Variants in GPC5 observed in about 807,000 individuals in gnomAD.
GPC5 encodes the protein glypican 5.
A neutral mutation model predicts 53.9 loss-of-function variants in GPC5; 47 were observed. The ratio of observed to expected loss-of-function variants is 0.87; its 90% CI spans 0.69 to 1.11. The LOEUF (loss-of-function observed/expected upper bound fraction) is 1.11. Ranked by LOEUF, GPC5 falls within the 50% of genes most tolerant of loss-of-function variation. The pLI, the probability that GPC5 is intolerant of heterozygous loss-of-function variation, is 0.00. For synonymous variants in GPC5, 286 were observed against 263.3 expected (o/e 1.09, Z -0.84); for missense variants, 748 against 713.1 (o/e 1.05, Z -0.56).
chr13:91,944,904 A>T (rs2039960889), intron 6 of GPC5, among the ~76,000 whole-genome samples: 1 of 152,134 alleles, frequency 6.6e-6, no homozygotes, highest in Non-Finnish European at 1.5e-5. Flanking sequence ...TTCTGGTGTT[A>T]ACTTTTGCTA....
chr13:92,552,972 G>A (rs1241377886), intron 7 of GPC5, among the ~76,000 whole-genome samples: 1 of 151,668 alleles, frequency 6.6e-6, no homozygotes, highest in African/African-American at 2.4e-5. Context: ...TATTCTGAAG[G>A]CTTTATTTAT....
At chr13:91,576,443 A>G (rs2032139970) in intron 2 of GPC5, among the ~76,000 whole-genome samples, 1 of 152,194 alleles carries the variant, frequency 6.6e-6, no homozygotes, top group African/African-American at 2.4e-5. Context: ...ACAGCAAAAA[A>G]TAAACACAAC....
intron 6 of GPC5, among the ~76,000 whole-genome samples, chr13:92,120,322 G>A (rs1441165750): frequency 2.0e-5 from 3 of 152,112 alleles, no homozygotes; most frequent in Admixed American, 2.0e-4. Context: ...GAGTTCAGTG[G>A]CATGATCAAT....
intron 2 of GPC5, among the ~76,000 whole-genome samples, chr13:91,511,500 A>G (rs908451225): frequency 1.4e-4 from 22 of 152,070 alleles, no homozygotes; most frequent in African/African-American, 4.8e-4. Flanking sequence ...TTACTGTTTA[A>G]CAATGTCTCA....
intron 3 of GPC5, among the ~76,000 whole-genome samples, chr13:91,719,963 A>G (rs894240508): frequency 3.3e-5 from 5 of 152,318 alleles, no homozygotes; most frequent in South Asian, 2.1e-4. Flanking sequence ...TTCAGGTTAT[A>G]TGTTTAAACT....
At chr13:92,290,804 C>T (rs966381987) in intron 7 of GPC5, among the ~76,000 whole-genome samples, 10 of 152,324 alleles carry the variant, frequency 6.6e-5, no homozygotes, top group East Asian at 3.9e-4. Context: ...AGGAGCCCTT[C>T]AGCCCGCTGC....
At chr13:91,819,989 G>A (rs772662943) in intron 5 of GPC5, among the ~76,000 whole-genome samples, 3 of 151,810 alleles carry the variant, frequency 2.0e-5, no homozygotes, top group South Asian at 2.1e-4. Context: ...TAATATTTAC[G>A]GACTATTTGC....
intron 7 of GPC5, among the ~76,000 whole-genome samples, chr13:92,205,583 T>C (rs2042327847): frequency 6.6e-6 from 1 of 152,228 alleles, no homozygotes; most frequent in African/African-American, 2.4e-5. Flanking sequence ...AATTCTTTAC[T>C]ACAGAGGGCA....
chr13:91,823,689 AACAT>A, intron 5 of GPC5, among the ~76,000 whole-genome samples: 1 of 152,202 alleles, frequency 6.6e-6, no homozygotes, highest in South Asian at 2.1e-4. Flanking sequence ...GACCCAAACT[AACAT>A]AAACTGCACA....
intron 7 of GPC5, among the ~76,000 whole-genome samples, chr13:92,804,731 C>T (rs1368398405): frequency 6.6e-6 from 1 of 152,024 alleles, no homozygotes; most frequent in Non-Finnish European, 1.5e-5. Context: ...AAATATTTCT[C>T]TACAGCATAT....
rs1876051314 is a variant in GPC5 at position 92,782,179 on chromosome 13, C to T, written c.1562-84103C>T. Among the ~76,000 whole-genome samples the T allele has an allele frequency of 2.0e-5, 3 of 151,934 alleles. No individual in the cohort carries two copies. In the South Asian group the frequency reaches 6.2e-4, roughly 31 times the overall value. Reference sequence around the variant, plus strand: ...AAGGAAGGAAAGAAATCATAAATCACCACCATTCATCTCCTTAGGATAATT... The same window carrying T: ...AAGGAAGGAAAGAAATCATAAATCATCACCATTCATCTCCTTAGGATAATT... On this transcript the variant is annotated intron_variant, in intron 7 of 7. Transcript: ENST00000377067.
chr13:92,509,744 C>A (rs948574180), intron 7 of GPC5: 1 of 152,166 alleles, frequency 6.6e-6, no homozygotes, highest in Non-Finnish European at 1.5e-5. Flanking sequence ...AAACAAACAA[C>A]GGCATACTCA....
chr13:92,339,723 A>T (rs2043350536), intron 7 of GPC5: 1 of 152,134 alleles, frequency 6.6e-6, no homozygotes, highest in Admixed American at 6.6e-5. Context: ...TTTTAGAATT[A>T]ATTTCAATAA....
intron 2 of GPC5, among the ~76,000 whole-genome samples, chr13:91,487,292 T>TAA (rs1199029961): frequency 6.6e-6 from 1 of 151,864 alleles, no homozygotes; most frequent in Non-Finnish European, 1.5e-5. Flanking sequence ...TTTTGAGGAG[T>TAA]AATAGATGGT....
intron 7 of GPC5, among the ~76,000 whole-genome samples, chr13:92,318,624 C>A (rs978526225): frequency 6.6e-6 from 1 of 152,074 alleles, no homozygotes; most frequent in African/African-American, 2.4e-5. Flanking sequence ...GTACATATAT[C>A]TTAAGAATAG....
At chr13:92,730,048 T>C (rs997922848) in intron 7 of GPC5, among the ~76,000 whole-genome samples, 18 of 151,448 alleles carry the variant, frequency 1.2e-4, no homozygotes, top group African/African-American at 3.4e-4. Context: ...TTTAGTGTTC[T>C]TTCTGACTCA....
At position 92,803,991 on chromosome 13, in the gene GPC5, T is replaced by C. The variant is rs77398677; in HGVS notation, c.1562-62291T>C. Among the ~76,000 whole-genome samples the C allele has an allele frequency of 2.3e-3, 353 of 152,126 alleles. 2 individuals are homozygous for C. The highest frequency in any genetic ancestry group is 7.9e-3 in the African/African-American group (327 of 41,542). On this transcript the variant is annotated intron_variant, in intron 7 of 7. Transcript: ENST00000377067. ...GAGTTTTAAAGAGAAAATTAAGTTA[T>C]GGTGTAGATGACTGGCGTAAAACTC...
chr13:92,217,172 G>T (rs553428048), intron 7 of GPC5, among the ~76,000 whole-genome samples: 1 of 152,038 alleles, frequency 6.6e-6, no homozygotes, highest in Non-Finnish European at 1.5e-5. Context: ...CATTCGCAAT[G>T]GTTGTAAATT....
At chr13:92,260,604 C>G (rs1019980595) in intron 7 of GPC5, among the ~76,000 whole-genome samples, 4 of 152,240 alleles carry the variant, frequency 2.6e-5, no homozygotes, top group Non-Finnish European at 5.9e-5. Flanking sequence ...CTGTCATCCT[C>G]TTGTCATGTC....
Sources: allele counts gnomAD v4.1 joint callset (sites outside exome capture counted in the v4.1 genomes callset), GRCh38; gene constraint gnomAD v4.1.1; transcripts MANE v1.5; gene names NCBI Gene and HGNC (gene_info 2026-07-23, HGNC 2026-07-21).